STX19: variants seen among roughly 807,000 people sequenced by gnomAD.
STX19 encodes syntaxin 19.
STX19 carries 26 observed loss-of-function variants against 24.3 expected under a neutral mutation model. The observed-to-expected ratio is 1.07, with a 90% CI of 0.78 to 1.48. The LOEUF (loss-of-function observed/expected upper bound fraction) is 1.48, where lower values mean the gene tolerates loss of function less well. Among genes scored for constraint, STX19 ranks in the 40% most tolerant of loss-of-function variants. STX19 has a pLI of 0.00. For synonymous variants in STX19, 116 were observed against 106.9 expected (o/e 1.09, Z -0.52); for missense variants, 367 against 331.9 (o/e 1.11, Z -0.82).
chr3:94,022,722 C>G (rs2076473867), intron 1 of STX19, among the ~76,000 whole-genome samples: 1 of 151,940 alleles, frequency 6.6e-6, no homozygotes, highest in Non-Finnish European at 1.5e-5. Flanking sequence ...TTCTTATTGA[C>G]ATATTTATAT....
chr3:94,015,731 C>G (rs1336585993), intron 1 of STX19, among the ~76,000 whole-genome samples: 2 of 152,252 alleles, frequency 1.3e-5, no homozygotes, highest in East Asian at 3.9e-4. Flanking sequence ...ATGCATCATT[C>G]AGTTAAAACC....
chr3:94,015,050 G>A lies in STX19; in HGVS notation c.220C>T (p.Gln74Ter), dbSNP rs375030063. Residue 74 changes from glutamine (Q) to a stop codon, truncating the protein, a stop_gained, in exon 2 of 2, where the codon CAA becomes TAA. Transcript: ENST00000315099. LOFTEE classifies it high-confidence loss of function. ...ATTGAAGCCACCAGACTTTTCTGTT[G>A]CTGCCCAAATTTTTGAACATTATCT... ...LADNVQKFGQ[Q>*]QKSLVASMRR... 5 of 1,613,932 alleles carry A rather than the reference G, an allele frequency of 3.1e-6. No individual in the cohort carries two copies. The highest frequency in any genetic ancestry group is 3.4e-6 in the Non-Finnish European group (4 of 1,179,926).
At chr3:94,023,998 T>C (rs12629037) in intron 1 of STX19, among the ~76,000 whole-genome samples, 10,469 of 152,220 alleles carry the variant, frequency 0.069, 549 homozygotes, top group South Asian at 0.12. Flanking sequence ...CTAAGAAATA[T>C]TGCATTTTAT....
At position 94,028,557 on chromosome 3, in the gene STX19, A is replaced by G. The variant is rs2076604183; in HGVS notation, c.-204T>C. 6.6e-6 allele frequency: 1 copy of G among 152,220 alleles called. No homozygotes were observed. The highest frequency in any genetic ancestry group is 1.5e-5 in the Non-Finnish European group (1 of 68,038). The allele number at this position is 152,220 out of a possible 1,614,324, so 9.4% of individuals were successfully genotyped here. A position where few individuals can be genotyped will look rare whatever the true frequency, so the allele number is the denominator to read the frequency against. ...CAAATAATGAAGTCAAATAAGAGATAAAGTTGTACGTTTGCTGTTAATAGC... is the reference window on the plus strand; with the variant it reads ...CAAATAATGAAGTCAAATAAGAGATGAAGTTGTACGTTTGCTGTTAATAGC... On this transcript the variant is annotated 5_prime_UTR_variant, in exon 1 of 2. Transcript: ENST00000315099.
chr3:94,027,224 G>A (rs1428958709), intron 1 of STX19, among the ~76,000 whole-genome samples: 2 of 151,938 alleles, frequency 1.3e-5, no homozygotes, highest in African/African-American at 2.4e-5. Flanking sequence ...GCAAGTGAAA[G>A]CAGAGGATCT....
At chr3:94,021,006 C>T (rs2076436182) in intron 1 of STX19, among the ~76,000 whole-genome samples, 2 of 151,956 alleles carry the variant, frequency 1.3e-5, no homozygotes, top group South Asian at 4.2e-4. Context: ...CAGAGTAGAG[C>T]TAACCAAAGC....
At chr3:94,025,509 G>A (rs2076538021) in intron 1 of STX19, among the ~76,000 whole-genome samples, 1 of 152,112 alleles carries the variant, frequency 6.6e-6, no homozygotes, top group Non-Finnish European at 1.5e-5. Context: ...AGTTTCTTAG[G>A]AGTAAATTCC....
intron 1 of STX19, among the ~76,000 whole-genome samples, chr3:94,020,832 G>A (rs962708494): frequency 6.6e-6 from 1 of 152,006 alleles, no homozygotes; most frequent in African/African-American, 2.4e-5. Flanking sequence ...GTAATCTTTT[G>A]TTTTTGCCAC....
intron 1 of STX19, among the ~76,000 whole-genome samples, chr3:94,018,789 C>T (rs1167485511): frequency 1.3e-5 from 2 of 151,954 alleles, no homozygotes; most frequent in South Asian, 2.1e-4. Flanking sequence ...TTTTTGAGAC[C>T]GAGTCTCACT....
At chr3:94,022,348 A>G (rs1304600429) in intron 1 of STX19, among the ~76,000 whole-genome samples, 1 of 150,836 alleles carries the variant, frequency 6.6e-6, no homozygotes, top group Non-Finnish European at 1.5e-5. Flanking sequence ...CTGGTCTTGA[A>G]CTCCTAACCT....
chr3:94,014,368 G>A lies in STX19; in HGVS notation c.*17C>T. The A allele has an allele frequency of 6.6e-7, 1 of 1,511,330 alleles. No homozygotes were observed. The highest frequency in any genetic ancestry group is 2.3e-5 in the East Asian group (1 of 43,538). 93.6% of individuals were successfully genotyped at this position (1,511,330 alleles called of 1,614,324 possible). On this transcript the variant is annotated 3_prime_UTR_variant, in exon 2 of 2. Coordinates refer to ENST00000315099, the MANE Select transcript of STX19 (RefSeq NM_001001850.3). ...ATCTTTTACCGTAAAGCTGGAAAAA[G>A]TTTTAAAATAGCTTCTTTATTTTGA...
chr3:94,023,898 A>T (rs2076502723), intron 1 of STX19, among the ~76,000 whole-genome samples: 1 of 152,198 alleles, frequency 6.6e-6, no homozygotes, highest in South Asian at 2.1e-4. Flanking sequence ...CTTTATTAGG[A>T]TCTTTAATAT....
intron 1 of STX19, among the ~76,000 whole-genome samples, chr3:94,019,546 C>T (rs2076404676): frequency 1.3e-5 from 2 of 152,044 alleles, no homozygotes; most frequent in Admixed American, 1.3e-4. Flanking sequence ...CCTAAGTGTT[C>T]TCCTTGTTTC....
Position 94,014,397 on chromosome 3 carries a change from A to G in STX19, c.873T>C (p.Cys291=). 6.5e-7 allele frequency: 1 copy of G among 1,531,154 alleles called. No homozygotes were observed. Among genetic ancestry groups the G allele is most frequent in the Admixed American group, 2.4e-5 (1 of 42,232 alleles). 94.8% of individuals were successfully genotyped at this position (1,531,154 alleles called of 1,614,324 possible). A position where few individuals can be genotyped will look rare whatever the true frequency, so the allele number is the denominator to read the frequency against. The part of the protein sequence containing the change: ...RVLCCWCCPC[C]SSK ...TAAAATAGCTTCTTTATTTTGAGCT[A>G]CAGCATGGACAGCACCAACAACACA... Residue 291 remains cysteine, a synonymous_variant, in exon 2 of 2, where the codon TGT becomes TGC. Transcript: ENST00000315099.
chr3:94,022,173 G>T (rs2107009768), intron 1 of STX19, among the ~76,000 whole-genome samples: 1 of 152,008 alleles, frequency 6.6e-6, no homozygotes, highest in East Asian at 1.9e-4. Flanking sequence ...ACCCAGGCTG[G>T]AGTGCAATGG....
At position 94,023,694 on chromosome 3, in the gene STX19, T is replaced by G. The variant is rs146015142; in HGVS notation, c.-14+4673A>C. 7.1e-3 allele frequency among the ~76,000 whole-genome samples: 1,077 copies of G among 152,300 alleles called. 5 individuals carry two copies. The highest frequency in any genetic ancestry group is 0.012 in the Non-Finnish European group (783 of 68,016). ...CTACGTTTAGACATATCTACTTGAT[T>G]GCAAATCTGTTCTTTTTCCCCTATT... On this transcript the variant is annotated intron_variant, in intron 1 of 1. Coordinates refer to ENST00000315099, the MANE Select transcript of STX19 (RefSeq NM_001001850.3).
At chr3:94,027,442 T>C (rs2076581111) in intron 1 of STX19, among the ~76,000 whole-genome samples, 1 of 152,106 alleles carries the variant, frequency 6.6e-6, no homozygotes, top group African/African-American at 2.4e-5. Context: ...TAAGATCATT[T>C]TTGTTTAAAT....
At chr3:94,020,747 T>C (rs555899239) in intron 1 of STX19, among the ~76,000 whole-genome samples, 114 of 152,268 alleles carry the variant, frequency 7.5e-4, no homozygotes, top group African/African-American at 2.7e-3. Context: ...TAAGAGCAAG[T>C]TTTTGTTGCT....
chr3:94,020,478 T>TTG (rs2106994879), intron 1 of STX19, among the ~76,000 whole-genome samples: 2 of 152,266 alleles, frequency 1.3e-5, no homozygotes, highest in South Asian at 4.1e-4. Flanking sequence ...AACTTCACTA[T>TTG]GACATAGCAT....
Sources: allele counts gnomAD v4.1 joint callset (sites outside exome capture counted in the v4.1 genomes callset), GRCh38; gene constraint gnomAD v4.1.1; transcripts MANE v1.5; gene names NCBI Gene and HGNC (gene_info 2026-07-23, HGNC 2026-07-21).